The following BRPF3 variants were observed in gnomAD, a reference collection of about 807,000 sequenced individuals.
BRPF3 encodes bromodomain and PHD finger containing 3.
Under a neutral mutation model 102.0 loss-of-function variants are expected in BRPF3, and 18 were observed. The observed-to-expected ratio is 0.18, with a 90% CI of 0.12 to 0.26. BRPF3 has a LOEUF of 0.26. Among genes scored for constraint, BRPF3 ranks in the 10% least tolerant of loss-of-function variants. The probability of loss-of-function intolerance (pLI) is 1.00; values close to 1 mark genes in which losing one functional copy is unlikely to be tolerated. For missense variants in BRPF3, 1,147 were observed against 1,567.8 expected, an observed-to-expected ratio of 0.73 and a Z score of 4.53; for synonymous variants, 570 against 614.2, an observed-to-expected ratio of 0.93 and a Z score of 1.06.
At chr6:36,226,899 C>T (rs945981852) in intron 11 of BRPF3, among the ~76,000 whole-genome samples, 7 of 152,212 alleles carry the variant, frequency 4.6e-5, no homozygotes, top group African/African-American at 1.4e-4. Flanking sequence ...GCCCTGCCAG[C>T]GGTGAAACCG....
At chr6:36,215,465 G>A (rs1405736295) in intron 8 of BRPF3, among the ~76,000 whole-genome samples, 1 of 152,220 alleles carries the variant, frequency 6.6e-6, no homozygotes, top group Non-Finnish European at 1.5e-5. Flanking sequence ...CTGTGAGGAA[G>A]TAATAAAATA....
At position 36,201,146 on chromosome 6, in the gene BRPF3, A is replaced by C; in HGVS notation, c.824A>C (p.Lys275Thr). The change falls in exon 2 of 13, where the codon AAG (lysine) becomes ACG (threonine). Residue 275 changes from lysine (K) to threonine (T), a missense_variant. Physicochemically the swap from Lys to Thr is moderately conservative, Grantham distance 78. Transcript: ENST00000357641. The surrounding 1 kb of genome is among the most constrained non-coding windows in gnomAD (Gnocchi z 5.1). ...GTGGATTGCATCCTTTGCCCCAATA[A>C]GGGTGGCGCCTTCAAACAGACCAGT... ...RPVDCILCPN[K>T]GGAFKQTSDG... The C allele has an allele frequency of 6.2e-7, 1 of 1,614,096 alleles. No individual in the cohort carries two copies.
At position 36,207,448 on chromosome 6, in the gene BRPF3, A is replaced by G; in HGVS notation, c.1737+4A>G. 6.2e-7 allele frequency: 1 copy of G among 1,613,876 alleles called. No individual in the cohort carries two copies. Among genetic ancestry groups the G allele is most frequent in the Non-Finnish European group, 8.5e-7 (1 of 1,179,860 alleles). ...AGAGAAGCTCAAACGAGAGCAGGTA[A>G]GGAGGAGCCCCCAGCCCTAGGGCCC... On this transcript the variant is annotated splice_donor_region_variant and intron_variant, in intron 4 of 12. Coordinates refer to ENST00000357641, the MANE Select transcript of BRPF3 (RefSeq NM_015695.3).
At chr6:36,225,561 G>A (rs912880234) in intron 11 of BRPF3, among the ~76,000 whole-genome samples, 197 bp downstream of exon 11, 2 of 152,188 alleles carry the variant, frequency 1.3e-5, no homozygotes, top group African/African-American at 2.4e-5. Context: ...CTAAAAGTAT[G>A]CAGATCAAGG....
At position 36,211,530 on chromosome 6, in the gene BRPF3, CAGG is replaced by C. The variant is rs1327175016; in HGVS notation, c.2458_2460del (p.Glu820del). ...TGCAGCTGTGCTGGAGCAGGCCTTGCAGGAGGAGCCAGAAGACGATGGGGACAG... is the reference window on the plus strand; with the variant it reads ...TGCAGCTGTGCTGGAGCAGGCCTTGCAGGAGCCAGAAGACGATGGGGACAG... On this transcript the variant is annotated inframe_deletion, in exon 7 of 13. Transcript: ENST00000357641. 5.8e-6 allele frequency: 9 copies of C among 1,555,820 alleles called. No homozygotes were observed. The highest frequency in any genetic ancestry group is 7.8e-6 in the Non-Finnish European group (9 of 1,149,208).
intron 10 of BRPF3, 126 bp from the exon 11 acceptor site, chr6:36,225,141 A>C: frequency 1.5e-6 from 1 of 672,870 alleles, no homozygotes; most frequent in Non-Finnish European, 2.6e-6. Context: ...AGGGAAAAGG[A>C]AGGGTGGAGG....
chr6:36,216,829 A>G (rs978021821), intron 8 of BRPF3, among the ~76,000 whole-genome samples: 1 of 152,198 alleles, frequency 6.6e-6, no homozygotes, highest in African/African-American at 2.4e-5. Flanking sequence ...ACTTGAGCCC[A>G]GGAGCTCGAG....
At chr6:36,206,544 C>A (rs551583033) in intron 3 of BRPF3, among the ~76,000 whole-genome samples, 1 of 152,340 alleles carries the variant, frequency 6.6e-6, no homozygotes, top group South Asian at 2.1e-4. Context: ...TCCAGCATCT[C>A]TGTTCTGGCC....
Position 36,230,094 on chromosome 6 carries a change from TC to T in BRPF3, c.3435-330del, listed in dbSNP as rs1451599312. On this transcript the variant is annotated intron_variant, in intron 12 of 12. Transcript: ENST00000357641. This position sits in a 1 kb window ranked among gnomAD's most constrained non-coding sequence, Gnocchi z 5.4. ...CAACGCAAGGCGAGGCTCAGAGCCC[TC>T]CAGGGTGGCTCAGCTGGCCCCAGAG... 6.6e-6 allele frequency among the ~76,000 whole-genome samples: 1 copy of T among 152,152 alleles called. No individual in the cohort carries two copies. The highest frequency in any genetic ancestry group is 1.5e-5 in the Non-Finnish European group (1 of 68,020).
intron 8 of BRPF3, among the ~76,000 whole-genome samples, chr6:36,217,600 G>A (rs762061485): frequency 1.3e-5 from 2 of 152,220 alleles, no homozygotes; most frequent in Non-Finnish European, 2.9e-5. Context: ...GCCAGGGTAG[G>A]AGAAGTCTTA....
At chr6:36,198,254 G>A (rs185607845) in intron 1 of BRPF3, among the ~76,000 whole-genome samples, 28 of 152,318 alleles carry the variant, frequency 1.8e-4, no homozygotes, top group Non-Finnish European at 2.1e-4. Flanking sequence ...GGATTGGAAG[G>A]CCTTTCAAGT....
At chr6:36,204,630 C>G in intron 2 of BRPF3, 28 bp from the exon 3 acceptor site, 2 of 1,614,176 alleles carry the variant, frequency 1.2e-6, no homozygotes, top group South Asian at 1.1e-5. Context: ...CTGACCTTGT[C>G]TTTCACTTCC....
rs758330443 is a variant in BRPF3 at position 36,217,968 on chromosome 6, G to A, written c.3041G>A (p.Cys1014Tyr). ...ACCGAAAGCGGGTCTGACTCTGAAT[G>A]TAGTTTGGGTCTCAGTGGTGGACTG... is the stretch of plus-strand genomic sequence containing the variant. ...KHTESGSDSE[C>Y]SLGLSGGLAF... Residue 1014 changes from cysteine to tyrosine, a missense_variant, in exon 9 of 13, where the codon TGT (cysteine) becomes TAT (tyrosine). Cys to Tyr is a radical substitution (Grantham distance 194). This residue lies in a region of BRPF3 where 379 missense variants were observed against 426.3 expected (regional missense o/e 0.89). Transcript: ENST00000357641. 5.0e-6 allele frequency: 8 copies of A among 1,613,830 alleles called. No individual in the cohort carries two copies. The highest frequency in any genetic ancestry group is 6.8e-6 in the Non-Finnish European group (8 of 1,179,882).
Position 36,225,256 on chromosome 6 carries a change from C to A in BRPF3, c.3182-11C>A. 1.2e-6 allele frequency: 2 copies of A among 1,604,134 alleles called. No homozygotes were observed. Among genetic ancestry groups the A allele is most frequent in the East Asian group, 4.5e-5 (2 of 44,862 alleles). Reference sequence around the variant, plus strand: ...CTTTGGGTGCTGTCTCCTCCCCTCCCCCACCCCCAGGCAGAAGCCTCCTGC... The same window carrying A: ...CTTTGGGTGCTGTCTCCTCCCCTCCACCACCCCCAGGCAGAAGCCTCCTGC... On this transcript the variant is annotated splice_polypyrimidine_tract_variant and intron_variant, in intron 10 of 12. Transcript: ENST00000357641.
intron 7 of BRPF3, among the ~76,000 whole-genome samples, chr6:36,211,830 TTGC>T (rs2127286056): frequency 6.6e-6 from 1 of 152,316 alleles, no homozygotes; most frequent in East Asian, 1.9e-4. Flanking sequence ...GGATATTTAG[TTGC>T]TGGATTGTGG....
rs2127296703 is a variant in BRPF3, at chr6:36,225,378, A to C, written c.3279+14A>C. The C allele has an allele frequency of 6.2e-7, 1 of 1,605,672 alleles. No homozygotes were observed. Among genetic ancestry groups the C allele is most frequent in the Non-Finnish European group, 8.5e-7 (1 of 1,177,872 alleles). ...TACCCTGCCTTGGTGAGTCTGCCCC[A>C]GACGCCACCCTCCTATCTCCCCTGC... On this transcript the variant is annotated intron_variant, in intron 11 of 12. Coordinates refer to ENST00000357641, the MANE Select transcript of BRPF3 (RefSeq NM_015695.3).
In BRPF3 at chr6:36,214,159, G is replaced by A; in HGVS notation, c.2762G>A (p.Ser921Asn). Residue 921 changes from serine (S) to asparagine (N), a missense_variant, in exon 8 of 13, where the codon AGT becomes AAT. Physicochemically the swap from Ser to Asn is conservative, Grantham distance 46. Transcript: ENST00000357641. ...APDTPAGTPL[S>N]GVGRRTSVLF... Reference sequence around the variant, plus strand: ...GACACCCCGGCCGGTACCCCACTTAGTGGTGTGGGTCGCCGCACATCAGTC... The same window carrying A: ...GACACCCCGGCCGGTACCCCACTTAATGGTGTGGGTCGCCGCACATCAGTC... 6.2e-7 allele frequency: 1 copy of A among 1,614,214 alleles called. No individual in the cohort carries two copies. The highest frequency in any genetic ancestry group is 2.2e-5 in the East Asian group (1 of 44,882).
rs762777031 is a variant in BRPF3 at position 36,209,884 on chromosome 6, A to T, written c.1835A>T (p.His612Leu). 3 of 1,614,178 alleles carry T rather than the reference A, an allele frequency of 1.9e-6. No homozygotes were observed. The Admixed American group carries it at 5.0e-5, about 27-fold the overall frequency. The change falls in exon 5 of 13, where the codon CAC (histidine) becomes CTC (leucine). Residue 612 changes from histidine (H) to leucine (L), a missense_variant. By Grantham distance (99) the His-to-Leu change is moderately conservative (BLOSUM62 -3). This residue lies in a region of BRPF3 where 44 missense variants were observed against 38.6 expected (regional missense o/e 1.14). Transcript: ENST00000357641. ...CTGCTGCAGGAGAAGGATCCTGCAC[A>T]CATCTTCGCAGAACCAGTCAACTTG... ...LDLLQEKDPA[H>L]IFAEPVNLSE...
chr6:36,230,962 A>C lies in BRPF3; in HGVS notation c.*353A>C. 4.3e-6 allele frequency: 1 copy of C among 232,690 alleles called. No homozygotes were observed. The highest frequency in any genetic ancestry group is 8.5e-6 in the Non-Finnish European group (1 of 117,224). The allele number at this position is 232,690 out of a possible 1,614,324, so 14.4% of individuals were successfully genotyped here. A position where few individuals can be genotyped will look rare whatever the true frequency, so the allele number is the denominator to read the frequency against. ...GGGGCTGCCTGGCCCGCTCCATCCT[A>C]CTCCCACTAACTACACCTCAGGGCG... is the stretch of plus-strand genomic sequence containing the variant. On this transcript the variant is annotated 3_prime_UTR_variant, in exon 13 of 13. Coordinates refer to ENST00000357641, the MANE Select transcript of BRPF3 (RefSeq NM_015695.3). This position sits in a 1 kb window ranked among gnomAD's most constrained non-coding sequence, Gnocchi z 5.4.
Sources: gnomAD v4.1 joint callset for allele counts (sites outside exome capture counted in the v4.1 genomes callset) on GRCh38, gnomAD v4.1.1 for gene constraint, gnomAD v4.1.1 regional missense constraint, Gnocchi (gnomAD v3.1) non-coding constraint, MANE v1.5 for transcripts, NCBI Gene and HGNC (gene_info 2026-07-23, HGNC 2026-07-21) for gene names.